The following CASD1 variants were observed in gnomAD, a reference collection of about 807,000 sequenced individuals.
CASD1 encodes the protein CAS1 domain sialic acid O acetyltransferase 1, also known as N-acetylneuraminate (7)9-O-acetyltransferase.
A neutral mutation model predicts 100.0 loss-of-function variants in CASD1; 41 were observed. The ratio of observed to expected loss-of-function variants is 0.41; its 90% CI spans 0.32 to 0.53. The LOEUF is 0.53. Ranked by LOEUF, CASD1 falls within the 20% of genes least tolerant of loss-of-function variation. CASD1 has a pLI of 0.25. For missense variants in CASD1, 774 were observed against 948.7 expected (o/e 0.82, Z 2.42); for synonymous variants, 321 against 315.6 (o/e 1.02, Z -0.18).
chr7:94,541,006 C>T (rs548748564), intron 10 of CASD1, among the ~76,000 whole-genome samples: 1 of 152,016 alleles, frequency 6.6e-6, no homozygotes, highest in East Asian at 2.0e-4. Context: ...ACCAACCTAA[C>T]ATTCTAATAT....
chr7:94,542,796 TTAGA>T (rs1177310773), intron 10 of CASD1, among the ~76,000 whole-genome samples: 1 of 152,182 alleles, frequency 6.6e-6, no homozygotes, highest in East Asian at 1.9e-4. Flanking sequence ...CAGATTTGGA[TTAGA>T]TAAATTCTGA....
chr7:94,616,313 CAT>C, the CASD1 span, among the ~76,000 whole-genome samples: 1,434 of 152,200 alleles, frequency 9.4e-3, 19 homozygotes, highest in African/African-American at 0.032. Flanking sequence ...TTGTGGCTGA[CAT>C]GTGTAATAAA....
the CASD1 span, among the ~76,000 whole-genome samples, chr7:94,578,986 T>A: frequency 1.3e-5 from 2 of 152,170 alleles, no homozygotes; most frequent in Non-Finnish European, 2.9e-5. Context: ...CACTTTTTTT[T>A]AACCTTCATA....
chr7:94,606,733 A>AT, the CASD1 span, among the ~76,000 whole-genome samples: 1 of 152,224 alleles, frequency 6.6e-6, no homozygotes, highest in Non-Finnish European at 1.5e-5. Flanking sequence ...AAATTAACAA[A>AT]TTTAAAGGAA....
chr7:94,556,918 A>G lies in CASD1; in HGVS notation c.*1160A>G, dbSNP rs773447177. On this transcript the variant is annotated 3_prime_UTR_variant, in exon 18 of 18. Coordinates refer to ENST00000297273, the MANE Select transcript of CASD1 (RefSeq NM_022900.5). Reference sequence around the variant, plus strand: ...AAAATATATTTTCTGTTCACAGTATATGAAAATATGGAGTAATTTAAACAG... The same window carrying G: ...AAAATATATTTTCTGTTCACAGTATGTGAAAATATGGAGTAATTTAAACAG... 2 of 152,090 alleles carry G rather than the reference A, an allele frequency of 1.3e-5. No homozygotes were observed. The highest frequency in any genetic ancestry group is 2.4e-5 in the African/African-American group (1 of 41,446). 9.4% of individuals were successfully genotyped at this position (152,090 alleles called of 1,614,324 possible). A position where few individuals can be genotyped will look rare whatever the true frequency, so the allele number is the denominator to read the frequency against.
the CASD1 span, among the ~76,000 whole-genome samples, chr7:94,613,162 T>G: frequency 2.0e-5 from 3 of 152,210 alleles, no homozygotes; most frequent in African/African-American, 7.2e-5. Context: ...GCAGGAGATA[T>G]TGGATTTGTC....
chr7:94,603,845 C>G, the CASD1 span, among the ~76,000 whole-genome samples: 15 of 152,168 alleles, frequency 9.9e-5, no homozygotes, highest in Middle Eastern at 3.4e-3. Context: ...CCCACTACTA[C>G]AATAATAAAT....
chr7:94,532,528 G>C (rs1794900551), intron 5 of CASD1, among the ~76,000 whole-genome samples: 1 of 152,030 alleles, frequency 6.6e-6, no homozygotes, highest in Non-Finnish European at 1.5e-5. Context: ...ACTTTATCAT[G>C]TTACTCAGAA....
At chr7:94,633,962 A>G in the CASD1 span, among the ~76,000 whole-genome samples, 1 of 152,242 alleles carries the variant, frequency 6.6e-6, no homozygotes, top group East Asian at 1.9e-4. Flanking sequence ...GAACAATTAC[A>G]TGGCTATAAA....
the CASD1 span, chr7:94,588,230 T>G: frequency 3.8e-6 from 4 of 1,049,606 alleles, no homozygotes; most frequent in East Asian, 3.3e-4. Flanking sequence ...AACAGCTTTT[T>G]AAAGCGGCTT....
At chr7:94,529,600 G>A (rs1336291701) in intron 5 of CASD1, among the ~76,000 whole-genome samples, 1 of 152,102 alleles carries the variant, frequency 6.6e-6, no homozygotes, top group Non-Finnish European at 1.5e-5. Flanking sequence ...TGAGGATTTG[G>A]AGACCCACAT....
rs1334517893 is a variant in CASD1 at position 94,539,184 on chromosome 7, A to T, written c.1356+128A>T. ...ATAGACCCTTCTTATTTCCCACTTA[A>T]TCTTTCCGCCTTTCCATTTTTCTCC... is the stretch of plus-strand genomic sequence containing the variant. On this transcript the variant is annotated intron_variant, in intron 10 of 17. Coordinates refer to ENST00000297273, the MANE Select transcript of CASD1 (RefSeq NM_022900.5). The T allele has an allele frequency of 1.1e-5, 5 of 435,984 alleles. No individual in the cohort carries two copies. The East Asian group carries it at 1.8e-4, about 15-fold the overall frequency. The allele number at this position is 435,984 out of a possible 1,614,324, so 27.0% of individuals were successfully genotyped here. A position where few individuals can be genotyped will look rare whatever the true frequency, so the allele number is the denominator to read the frequency against.
the CASD1 span, among the ~76,000 whole-genome samples, chr7:94,609,831 A>C: frequency 1.3e-5 from 2 of 152,194 alleles, no homozygotes; most frequent in African/African-American, 4.8e-5. Flanking sequence ...TACTTTTACC[A>C]TATGATCCAG....
the CASD1 span, chr7:94,623,568 T>A: frequency 1.7e-6 from 1 of 595,486 alleles, no homozygotes; most frequent in Non-Finnish European, 3.0e-6. Flanking sequence ...TTTAGCAATA[T>A]TATGGGAAAA....
At chr7:94,599,769 T>G in the CASD1 span, 1 of 1,319,724 alleles carries the variant, frequency 7.6e-7, no homozygotes. Context: ...GCATTGATAT[T>G]TGGAACATTA....
chr7:94,516,926 C>T lies in CASD1; in HGVS notation c.134-634C>T, dbSNP rs1321461562. Among the ~76,000 whole-genome samples the T allele has an allele frequency of 2.7e-5, 4 of 149,876 alleles. No homozygotes were observed. The East Asian group carries it at 5.9e-4, about 22-fold the overall frequency. ...CTTTTTTTTTTTTTTTAAAATGAGG[C>T]AGAGTCTAGCTCTGTCACCCAGGCT... On this transcript the variant is annotated intron_variant, in intron 1 of 17. Transcript: ENST00000297273.
At chr7:94,526,324 A>G (rs1052510197) in intron 3 of CASD1, among the ~76,000 whole-genome samples, 3 of 152,222 alleles carry the variant, frequency 2.0e-5, no homozygotes, top group African/African-American at 7.2e-5. Context: ...GAGCTTCCTT[A>G]GTCTGTGCAT....
At position 94,510,147 on chromosome 7, in the gene CASD1, C is replaced by G. The variant is rs1039607829; in HGVS notation, c.63C>G (p.Ser21Arg). 6.5e-7 allele frequency: 1 copy of G among 1,529,708 alleles called. No homozygotes were observed. The highest frequency in any genetic ancestry group is 1.2e-5 in the South Asian group (1 of 81,652). 94.8% of individuals were successfully genotyped at this position (1,529,708 alleles called of 1,614,324 possible). A position where few individuals can be genotyped will look rare whatever the true frequency, so the allele number is the denominator to read the frequency against. Reference protein sequence around the residue: ...REINHYFSVRSAKVLALVAVL... With the variant: ...REINHYFSVRRAKVLALVAVL... ...TCAACCACTACTTCAGCGTGAGGAGCGCCAAGGTGCTGGCGCTGGTGGCCG... is the reference window on the plus strand; with the variant it reads ...TCAACCACTACTTCAGCGTGAGGAGGGCCAAGGTGCTGGCGCTGGTGGCCG... The change falls in exon 1 of 18, where the codon AGC (serine) becomes AGG (arginine). Residue 21 changes from serine (S) to arginine (R), a missense_variant. By Grantham distance (110) the Ser-to-Arg change is moderately radical. This residue lies in a region of CASD1 where 75 missense variants were observed against 60.9 expected (regional missense o/e 1.23). Transcript: ENST00000297273.
At chr7:94,588,952 C>T in the CASD1 span, 68 of 559,068 alleles carry the variant, frequency 1.2e-4, no homozygotes, top group South Asian at 5.6e-4. Context: ...ATTTTCACTG[C>T]GGGCTATACT....
Sources: allele counts gnomAD v4.1 joint callset (sites outside exome capture counted in the v4.1 genomes callset), GRCh38; gene constraint gnomAD v4.1.1; regional missense constraint gnomAD v4.1.1; transcripts MANE v1.5; gene names NCBI Gene and HGNC (gene_info 2026-07-23, HGNC 2026-07-21).